SLC37A1: variants seen among roughly 807,000 people sequenced by gnomAD.
SLC37A1 encodes the protein solute carrier family 37 member 1, also known as glucose-6-phosphate exchanger SLC37A1.
SLC37A1 carries 49 observed loss-of-function variants against 75.3 expected under a neutral mutation model. That is an observed-to-expected ratio of 0.65 (90% confidence interval 0.52 to 0.83). The LOEUF is 0.83. SLC37A1 is among the 40% of genes least tolerant of loss of function. SLC37A1 has a pLI of 0.00. For synonymous variants in SLC37A1, 268 were observed against 292.1 expected, an observed-to-expected ratio of 0.92 and a Z score of 0.84; for missense variants, 566 against 695.0, an observed-to-expected ratio of 0.81 and a Z score of 2.09.
intron 17 of SLC37A1, among the ~76,000 whole-genome samples, chr21:42,569,626 G>C (rs2056075505): frequency 6.6e-6 from 1 of 152,216 alleles, no homozygotes; most frequent in East Asian, 1.9e-4. Flanking sequence ...ACCCTGCTGA[G>C]AACGCGTGAA....
In SLC37A1 at chr21:42,518,393, A is replaced by G; in HGVS notation, c.-62A>G. 6.3e-7 allele frequency: 1 copy of G among 1,599,920 alleles called. No individual in the cohort carries two copies. Among genetic ancestry groups the G allele is most frequent in the South Asian group, 1.1e-5 (1 of 90,742 alleles). On this transcript the variant is annotated 5_prime_UTR_variant, in exon 2 of 20. Coordinates refer to ENST00000352133, the MANE Select transcript of SLC37A1 (RefSeq NM_001320537.2). ...AGAGAGAGGATCTGGAGCCAGGATT[A>G]ATGACTCATTTATGAAGCATCTTAT...
intron 16 of SLC37A1, among the ~76,000 whole-genome samples, chr21:42,567,418 C>T (rs1286020485): frequency 6.6e-6 from 1 of 152,218 alleles, no homozygotes; most frequent in Non-Finnish European, 1.5e-5. Context: ...CCTTCTCATC[C>T]AGGTACCATG....
intron 10 of SLC37A1, among the ~76,000 whole-genome samples, chr21:42,556,003 G>A (rs1337008126): frequency 1.3e-5 from 2 of 152,246 alleles, no homozygotes; most frequent in Non-Finnish European, 2.9e-5. Flanking sequence ...GCTGGGCTCA[G>A]TGGGGTGTCA....
chr21:42,549,927 A>G (rs2055515762), intron 9 of SLC37A1, among the ~76,000 whole-genome samples: 2 of 152,162 alleles, frequency 1.3e-5, no homozygotes, highest in Admixed American at 6.6e-5. Context: ...CTGTGTACCC[A>G]TTACCCAAGT....
At chr21:42,511,994 T>C (rs1171086898), upstream of SLC37A1, among the ~76,000 whole-genome samples, 1 of 151,662 alleles carries the variant, frequency 6.6e-6, no homozygotes, top group Non-Finnish European at 1.5e-5. Flanking sequence ...AGGGCTAATG[T>C]ACAGCTCTAA....
At chr21:42,560,070 G>T (rs967852381) in intron 11 of SLC37A1, among the ~76,000 whole-genome samples, 1 of 152,142 alleles carries the variant, frequency 6.6e-6, no homozygotes, top group Non-Finnish European at 1.5e-5. Context: ...CTTGCCTCCA[G>T]ACTAGAAGGG....
Position 42,580,531 on chromosome 21 carries a change from A to G in SLC37A1, c.*171A>G, listed in dbSNP as rs998733408. ...CTGAGAACCCCTGGTGCTATTTTAA[A>G]GGAGACATATTGCTGAACAGCAGTG... On this transcript the variant is annotated 3_prime_UTR_variant, in exon 20 of 20. Transcript: ENST00000352133. 3 of 677,276 alleles carry G rather than the reference A, an allele frequency of 4.4e-6. No individual in the cohort carries two copies. The highest frequency in any genetic ancestry group is 3.6e-5 in the African/African-American group (2 of 55,088). 42.0% of individuals were successfully genotyped at this position (677,276 alleles called of 1,614,324 possible).
intron 10 of SLC37A1, among the ~76,000 whole-genome samples, chr21:42,554,982 G>GGTTTT (rs368777229): frequency 7.7e-5 from 9 of 116,596 alleles, no homozygotes; most frequent in Non-Finnish European, 9.1e-5. Context: ...TTGGTTGGTT[G>GGTTTT]TTTTTTTTTT....
In SLC37A1 at chr21:42,545,973, C is replaced by T. The variant is rs534300655; in HGVS notation, c.731-1130C>T. Among the ~76,000 whole-genome samples the T allele has an allele frequency of 6.6e-5, 10 of 152,310 alleles. No homozygotes were observed. In the East Asian group the frequency reaches 9.6e-4, roughly 15 times the overall value. On this transcript the variant is annotated intron_variant, in intron 8 of 19. Coordinates refer to ENST00000352133, the MANE Select transcript of SLC37A1 (RefSeq NM_001320537.2). The surrounding 1 kb of genome is among the most constrained non-coding windows in gnomAD (Gnocchi z 4.0). ...CAGACAAGAGGTTTGATGCTGGCCT[C>T]GAGGCCAGCAGGAGTGTGCTCGGCA...
chr21:42,526,253 A>G (rs567514422), intron 3 of SLC37A1, among the ~76,000 whole-genome samples: 1 of 152,200 alleles, frequency 6.6e-6, no homozygotes, highest in South Asian at 2.1e-4. Flanking sequence ...GGAACGCTGC[A>G]TTTTTGTCTG....
At position 42,534,691 on chromosome 21, in the gene SLC37A1, G is replaced by A. The variant is rs746600374; in HGVS notation, c.139-7G>A. ...CTCCCTGCTTCTGCCCTCCCATCAC[G>A]TCCCAGGGTGAGCTCCACAAGTACT... On this transcript the variant is annotated splice_polypyrimidine_tract_variant and splice_region_variant and intron_variant, in intron 3 of 19. Transcript: ENST00000352133. 1.6e-5 allele frequency: 26 copies of A among 1,607,458 alleles called. No individual in the cohort carries two copies. The highest frequency in any genetic ancestry group is 1.1e-4 in the South Asian group (10 of 90,118).
intron 1 of SLC37A1, among the ~76,000 whole-genome samples, chr21:42,516,347 G>A (rs1204696675): frequency 6.6e-6 from 1 of 152,160 alleles, no homozygotes; most frequent in Admixed American, 6.5e-5. Context: ...GCTGACCCAG[G>A]CGAGCCGCCT....
rs1467806534 is a variant in SLC37A1 at position 42,554,045 on chromosome 21, A to G, written c.769-17A>G. On this transcript the variant is annotated splice_polypyrimidine_tract_variant and intron_variant, in intron 9 of 19. Coordinates refer to ENST00000352133, the MANE Select transcript of SLC37A1 (RefSeq NM_001320537.2). ...GTTGAATCAGTATCGCTCTAATGAAACTTTTTTTTTTACCAGCACTCAAAA... is the reference window on the plus strand; with the variant it reads ...GTTGAATCAGTATCGCTCTAATGAAGCTTTTTTTTTTACCAGCACTCAAAA... The G allele has an allele frequency of 6.3e-7, 1 of 1,591,580 alleles. No individual in the cohort carries two copies. Among genetic ancestry groups the G allele is most frequent in the Non-Finnish European group, 8.6e-7 (1 of 1,165,400 alleles).
intron 18 of SLC37A1, among the ~76,000 whole-genome samples, chr21:42,577,945 G>C (rs181535718): frequency 1.3e-5 from 2 of 152,228 alleles, no homozygotes. Flanking sequence ...CTTGGGAGAC[G>C]GGGGCTTGTC....
chr21:42,563,927 A>C, intron 13 of SLC37A1, 50 bp downstream of exon 13: 1 of 1,599,010 alleles, frequency 6.3e-7, no homozygotes, highest in Non-Finnish European at 8.6e-7. Context: ...CGCAAGGCGC[A>C]TGATCTCTGA....
intron 18 of SLC37A1, among the ~76,000 whole-genome samples, chr21:42,578,651 C>T (rs143757933): frequency 2.0e-3 from 297 of 152,292 alleles, no homozygotes; most frequent in African/African-American, 6.8e-3. Context: ...TGCCGTGTTC[C>T]CACGACCTTT....
chr21:42,504,774 C>A (rs2054369037), intron 2 of SLC37A1, among the ~76,000 whole-genome samples: 1 of 152,180 alleles, frequency 6.6e-6, no homozygotes, highest in Admixed American at 6.5e-5. Flanking sequence ...TTGGGCTGAC[C>A]TTTTTATCAT....
At chr21:42,572,735 G>A in intron 17 of SLC37A1, among the ~76,000 whole-genome samples, 1 of 146,208 alleles carries the variant, frequency 6.8e-6, no homozygotes, top group South Asian at 2.2e-4. Flanking sequence ...TGGCTCTCTG[G>A]GGGGAGGTTC....
intron 18 of SLC37A1, 60 bp downstream of exon 18, chr21:42,574,975 A>G (rs1367679600): frequency 1.2e-6 from 2 of 1,604,334 alleles, no homozygotes; most frequent in African/African-American, 2.7e-5. Context: ...GGTTGTGTCC[A>G]AACACTGGTG....
Sources: allele counts gnomAD v4.1 joint callset (sites outside exome capture counted in the v4.1 genomes callset), GRCh38; gene constraint gnomAD v4.1.1; non-coding constraint Gnocchi (gnomAD v3.1); transcripts MANE v1.5; gene names NCBI Gene and HGNC (gene_info 2026-07-23, HGNC 2026-07-21).